ZNF484: variants seen among roughly 807,000 people sequenced by gnomAD.
ZNF484 encodes the protein zinc finger protein 484.
A neutral mutation model predicts 12.9 loss-of-function variants in ZNF484; 11 were observed. The observed-to-expected ratio is 0.85, with a 90% confidence interval of 0.54 to 1.41. ZNF484 has a LOEUF of 1.41. ZNF484 is among the 40% of genes most tolerant of loss of function. The pLI, the probability that ZNF484 is intolerant of heterozygous loss-of-function variation, is 0.00. For synonymous variants in ZNF484, 289 were observed against 334.1 expected (o/e 0.86, Z 1.47); for missense variants, 807 against 1,007.7 (o/e 0.80, Z 2.70).
At chr9:92,867,968 C>G (rs1857206797) in intron 2 of ZNF484, among the ~76,000 whole-genome samples, 2 of 152,168 alleles carry the variant, frequency 1.3e-5, no homozygotes, top group African/African-American at 4.8e-5. Context: ...GGGCTTGTAT[C>G]TGAGTGTCAA....
rs1855807964 is a variant in ZNF484 at position 92,848,118 on chromosome 9, A to G, written c.669T>C (p.Cys223=). The change falls in exon 5 of 5, where the codon TGT becomes TGC. Residue 223 remains cysteine (C), a synonymous_variant. Transcript: ENST00000375495. The surrounding 1 kb of genome is among the most constrained non-coding windows in gnomAD (Gnocchi z 4.1). ...HLNSHTEVTA[C]ECNQCGKPLH... is the part of the protein sequence containing the mutation. ...GAGGTTTCCCACATTGGTTACATTC[A>G]CAAGCAGTCACTTCTGTATGAGAAT... The G allele has an allele frequency of 6.2e-7, 1 of 1,614,208 alleles. No homozygotes were observed. The highest frequency in any genetic ancestry group is 2.2e-5 in the East Asian group (1 of 44,884).
rs547192602 is a variant in ZNF484, at chr9:92,859,049, C to A, written c.16-2731G>T. ...GCTGAGGCAGGAGAATGGTGTGAAC[C>A]CAGGAGGTGGAGGTTGCAGTGAGCC... is the stretch of plus-strand genomic sequence containing the variant. On this transcript the variant is annotated intron_variant, in intron 2 of 4. Coordinates refer to ENST00000375495, the MANE Select transcript of ZNF484 (RefSeq NM_031486.4). 2.3e-4 allele frequency among the ~76,000 whole-genome samples: 35 copies of A among 152,138 alleles called. 1 individual carries two copies. Among genetic ancestry groups the A allele is most frequent in the Middle Eastern group, 6.8e-3 (2 of 294 alleles).
intron 1 of ZNF484, among the ~76,000 whole-genome samples, chr9:92,876,772 C>T (rs1043099901): frequency 3.3e-5 from 5 of 152,074 alleles, no homozygotes; most frequent in Non-Finnish European, 5.9e-5. Flanking sequence ...GCACATATAA[C>T]TGCAAAATGA....
At chr9:92,849,786 GTC>G (rs376027089) in intron 4 of ZNF484, among the ~76,000 whole-genome samples, 1 of 151,238 alleles carries the variant, frequency 6.6e-6, no homozygotes, top group East Asian at 1.9e-4. Context: ...GTGAGACTCT[GTC>G]TCTCTCTCTC....
chr9:92,863,711 G>T (rs1856909332), intron 2 of ZNF484, among the ~76,000 whole-genome samples: 1 of 152,174 alleles, frequency 6.6e-6, no homozygotes, highest in South Asian at 2.1e-4. Flanking sequence ...GAATGGAAAA[G>T]GTTGGAGAAA....
intron 4 of ZNF484, among the ~76,000 whole-genome samples, chr9:92,849,859 T>C (rs1000756193): frequency 6.6e-6 from 1 of 151,974 alleles, no homozygotes; most frequent in Non-Finnish European, 1.5e-5. Flanking sequence ...TAGAGTGTAA[T>C]GGCATGATCA....
chr9:92,853,143 G>GA (rs1275043677), intron 4 of ZNF484, among the ~76,000 whole-genome samples: 1 of 152,148 alleles, frequency 6.6e-6, no homozygotes, highest in Admixed American at 6.5e-5. Flanking sequence ...ATGAAATAGT[G>GA]AAAAAGAAAG....
rs553956027 is a variant in ZNF484, at chr9:92,864,832, A to AT, written c.16-8515_16-8514insA. On this transcript the variant is annotated intron_variant, in intron 2 of 4. Transcript: ENST00000375495. ...AGATTTTAACCAGATTACATTCATT[A>AT]ATCACTAGATATAGCAACAAAAATT... Among the ~76,000 whole-genome samples the AT allele has an allele frequency of 4.6e-5, 7 of 152,336 alleles. No individual in the cohort carries two copies. In the South Asian group the frequency reaches 1.4e-3, roughly 32 times the overall value.
intron 2 of ZNF484, among the ~76,000 whole-genome samples, chr9:92,872,490 CAAAAAAA>C (rs537371475): frequency 2.1e-5 from 1 of 47,526 alleles, no homozygotes; most frequent in Admixed American, 2.9e-4. Context: ...ATCTCTGCCT[CAAAAAAA>C]AAAAAAAAAA....
intron 2 of ZNF484, among the ~76,000 whole-genome samples, chr9:92,863,013 A>G (rs2118071653): frequency 6.6e-6 from 1 of 152,298 alleles, no homozygotes; most frequent in East Asian, 1.9e-4. Context: ...CATGGAATCA[A>G]CCCAAATGCC....
chr9:92,865,677 C>G (rs1432582517), intron 2 of ZNF484, among the ~76,000 whole-genome samples: 2 of 152,030 alleles, frequency 1.3e-5, no homozygotes, highest in African/African-American at 4.8e-5. Context: ...GAGGCCGAGG[C>G]AGGAGGATTG....
At chr9:92,870,371 A>T (rs972547404) in intron 2 of ZNF484, among the ~76,000 whole-genome samples, 1 of 152,230 alleles carries the variant, frequency 6.6e-6, no homozygotes, top group East Asian at 1.9e-4. Context: ...GACAAAACCT[A>T]CTCCAACCAA....
intron 1 of ZNF484, among the ~76,000 whole-genome samples, chr9:92,875,431 A>G (rs561446417): frequency 6.6e-6 from 1 of 152,154 alleles, no homozygotes; most frequent in South Asian, 2.1e-4. Context: ...AATCTGCTCT[A>G]AGTGTCAATT....
At chr9:92,874,988 T>G (rs1324766304) in intron 2 of ZNF484, 27 bp downstream of exon 2, 1 of 1,612,302 alleles carries the variant, frequency 6.2e-7, no homozygotes, top group Admixed American at 1.7e-5. Context: ...AAGCAACAAA[T>G]AAACAGATGA....
intron 2 of ZNF484, among the ~76,000 whole-genome samples, chr9:92,866,983 G>A (rs1244382918): frequency 6.6e-6 from 1 of 152,160 alleles, no homozygotes; most frequent in East Asian, 1.9e-4. Flanking sequence ...CCACACCAGG[G>A]CCTATCAAGG....
At chr9:92,877,641 GTCCGCCCTCAC>G (rs1418130861) in intron 1 of ZNF484, among the ~76,000 whole-genome samples, 1 of 151,722 alleles carries the variant, frequency 6.6e-6, no homozygotes, top group Non-Finnish European at 1.5e-5. Context: ...CAACCCCACA[GTCCGCCCTCAC>G]TCCGCCCTCA....
rs376487576 is a variant in ZNF484 at position 92,865,042 on chromosome 9, A to AAG, written c.16-8726_16-8725dup. 2.0e-3 allele frequency among the ~76,000 whole-genome samples: 303 copies of AAG among 150,570 alleles called. 2 individuals carry two copies. Among genetic ancestry groups the AAG allele is most frequent in the Middle Eastern group, 0.017 (5 of 290 alleles). On this transcript the variant is annotated intron_variant, in intron 2 of 4. Transcript: ENST00000375495. ...ACACACACACACAGAGAGAGAGAGA[A>AAG]AGAGAGAGAGAGAGAACGAGAGAGA...
chr9:92,877,943 C>G lies in ZNF484; in HGVS notation c.-84G>C. On this transcript the variant is annotated 5_prime_UTR_variant, in exon 1 of 5. Transcript: ENST00000375495. ...AGTGGTCATTTGCCTCGGGAGGTGACTATAGTCGCAAGAACCAGAACAGGA... is the reference window on the plus strand; with the variant it reads ...AGTGGTCATTTGCCTCGGGAGGTGAGTATAGTCGCAAGAACCAGAACAGGA... 5 of 1,451,150 alleles carry G rather than the reference C, an allele frequency of 3.4e-6. No individual in the cohort carries two copies. Among genetic ancestry groups the G allele is most frequent in the Non-Finnish European group, 4.7e-6 (5 of 1,072,294 alleles). The allele number at this position is 1,451,150 out of a possible 1,614,324, so 89.9% of individuals were successfully genotyped here. A position where few individuals can be genotyped will look rare whatever the true frequency, so the allele number is the denominator to read the frequency against.
chr9:92,858,801 G>T (rs866627725), intron 2 of ZNF484, among the ~76,000 whole-genome samples: 4 of 152,020 alleles, frequency 2.6e-5, no homozygotes, highest in Admixed American at 6.6e-5. Context: ...AATATAAAAA[G>T]TCAAGAAAGG....
Sources: allele counts gnomAD v4.1 joint callset (sites outside exome capture counted in the v4.1 genomes callset), GRCh38; gene constraint gnomAD v4.1.1; non-coding constraint Gnocchi (gnomAD v3.1); transcripts MANE v1.5; gene names NCBI Gene and HGNC (gene_info 2026-07-23, HGNC 2026-07-21).